Variants in C8orf88 observed in about 807,000 individuals in gnomAD.
C8orf88 encodes the protein uncharacterized protein C8orf88.
In C8orf88, 14 loss-of-function variants were observed where a neutral mutation model predicts 18.4. The observed-to-expected ratio is 0.76, with a 90% CI of 0.50 to 1.19. The LOEUF (loss-of-function observed/expected upper bound fraction) is 1.19. Among genes scored for constraint, C8orf88 ranks in the 50% most tolerant of loss-of-function variants. C8orf88 has a pLI of 0.00. For synonymous variants in C8orf88, 45 were observed against 42.9 expected (o/e 1.05, Z -0.19); for missense variants, 116 against 134.7 (o/e 0.86, Z 0.69).
intron 3 of C8orf88, among the ~76,000 whole-genome samples, chr8:90,971,810 C>G (rs1009625396): frequency 6.6e-6 from 1 of 151,938 alleles, no homozygotes; most frequent in South Asian, 2.1e-4. Context: ...TGATCCCATG[C>G]TCACCAAGAC....
chr8:90,977,112 TG>T (rs1811362075), intron 3 of C8orf88, among the ~76,000 whole-genome samples: 1 of 151,888 alleles, frequency 6.6e-6, no homozygotes, highest in African/African-American at 2.4e-5. Context: ...CCTGGAAAAA[TG>T]GGATAATAAT....
At chr8:90,962,758 A>G (rs2130301338) in intron 4 of C8orf88, among the ~76,000 whole-genome samples, 1 of 151,714 alleles carries the variant, frequency 6.6e-6, no homozygotes, top group East Asian at 1.9e-4. Context: ...TGTACTTCAC[A>G]CCTAACTAAG....
chr8:90,980,285 A>C (rs1445674375), intron 2 of C8orf88, 78 bp downstream of exon 2: 2 of 846,526 alleles, frequency 2.4e-6, no homozygotes, highest in Non-Finnish European at 3.3e-6. Context: ...ACAATACTTT[A>C]TATATTATTT....
intron 4 of C8orf88, among the ~76,000 whole-genome samples, chr8:90,965,689 C>T (rs1389449656): frequency 1.3e-5 from 2 of 151,708 alleles, no homozygotes; most frequent in Non-Finnish European, 2.9e-5. Context: ...AAAGTATGCC[C>T]TATGACCACA....
chr8:90,962,131 C>A (rs542310833), intron 4 of C8orf88, among the ~76,000 whole-genome samples: 1 of 151,578 alleles, frequency 6.6e-6, no homozygotes, highest in East Asian at 1.9e-4. Flanking sequence ...AATTAACTTA[C>A]CAAAAATTTT....
At chr8:90,976,530 GAACA>G (rs1811353881) in intron 3 of C8orf88, among the ~76,000 whole-genome samples, 1 of 151,890 alleles carries the variant, frequency 6.6e-6, no homozygotes, top group Admixed American at 6.6e-5. Context: ...TTAGCTGCTA[GAACA>G]AATACAACAT....
At chr8:90,968,884 A>T (rs1811243958) in intron 4 of C8orf88, among the ~76,000 whole-genome samples, 1 of 151,188 alleles carries the variant, frequency 6.6e-6, no homozygotes, top group Admixed American at 6.6e-5. Context: ...AAAAAACAGT[A>T]TCATAATCAT....
At chr8:90,980,196 T>A (rs977228829) in intron 2 of C8orf88, among the ~76,000 whole-genome samples, 167 bp downstream of exon 2, 12 of 152,212 alleles carry the variant, frequency 7.9e-5, no homozygotes, top group African/African-American at 2.9e-4. Context: ...AGATTATAGA[T>A]TGGTAGGTAA....
chr8:90,971,694 T>G (rs1467478208), intron 3 of C8orf88, among the ~76,000 whole-genome samples: 1 of 151,930 alleles, frequency 6.6e-6, no homozygotes. Flanking sequence ...GACGCCTTAG[T>G]GCAGAGTTTT....
At chr8:90,969,669 A>T (rs1387956504) in intron 4 of C8orf88, among the ~76,000 whole-genome samples, 2 of 152,070 alleles carry the variant, frequency 1.3e-5, no homozygotes, top group African/African-American at 4.8e-5. Flanking sequence ...CTTAATGAGT[A>T]TGAGGTTTCT....
intron 4 of C8orf88, among the ~76,000 whole-genome samples, chr8:90,964,583 G>A (rs979351273): frequency 6.6e-6 from 1 of 151,650 alleles, no homozygotes; most frequent in African/African-American, 2.4e-5. Flanking sequence ...AAGAACACCA[G>A]TAAATGTAAC....
intron 3 of C8orf88, among the ~76,000 whole-genome samples, chr8:90,976,757 T>C (rs558143597): frequency 7.4e-4 from 113 of 152,188 alleles, no homozygotes; most frequent in African/African-American, 2.6e-3. Context: ...AATCAGTTGC[T>C]TATAGGAGAA....
chr8:90,970,711 G>A (rs1432609704), intron 4 of C8orf88, among the ~76,000 whole-genome samples: 1 of 152,012 alleles, frequency 6.6e-6, no homozygotes, highest in African/African-American at 2.4e-5. Context: ...GGCAGGAGCA[G>A]AGGCAGTTAT....
intron 4 of C8orf88, among the ~76,000 whole-genome samples, chr8:90,963,340 G>A (rs1811153388): frequency 6.6e-6 from 1 of 151,568 alleles, no homozygotes. Flanking sequence ...ACAAACCCAA[G>A]GGAAGGAAGA....
At chr8:90,972,101 A>G (rs1811291798) in intron 3 of C8orf88, among the ~76,000 whole-genome samples, 1 of 152,082 alleles carries the variant, frequency 6.6e-6, no homozygotes, top group Non-Finnish European at 1.5e-5. Flanking sequence ...TTAAAAATAA[A>G]TATCTCTGCT....
intron 1 of C8orf88, among the ~76,000 whole-genome samples, chr8:90,984,262 A>G (rs920484355): frequency 6.6e-6 from 1 of 152,232 alleles, no homozygotes; most frequent in Non-Finnish European, 1.5e-5. Flanking sequence ...TAATTCCCAT[A>G]TGATAACCAG....
At chr8:90,978,464 T>C (rs1811384716) in intron 3 of C8orf88, 115 bp downstream of exon 3, 4 of 471,694 alleles carry the variant, frequency 8.5e-6, no homozygotes, top group Non-Finnish European at 1.1e-5. Flanking sequence ...CTTTAACATA[T>C]GTACATAAAT....
chr8:90,971,042 TTG>T, intron 4 of C8orf88, 22 bp downstream of exon 4: 3 of 1,396,524 alleles, frequency 2.1e-6, no homozygotes, highest in Non-Finnish European at 2.9e-6. Flanking sequence ...AATGATAAAA[TTG>T]GGAATTATGA....
At chr8:90,975,896 C>G (rs959323177) in intron 3 of C8orf88, among the ~76,000 whole-genome samples, 14 of 149,780 alleles carry the variant, frequency 9.3e-5, no homozygotes, top group African/African-American at 3.5e-4. Context: ...AATAAACAAA[C>G]TGTTGTATAT....
Sources: gnomAD v4.1 joint callset for allele counts (sites outside exome capture counted in the v4.1 genomes callset) on GRCh38, gnomAD v4.1.1 for gene constraint, MANE v1.5 for transcripts, NCBI Gene and HGNC (gene_info 2026-07-23, HGNC 2026-07-21) for gene names.